The following ULK1 variants were observed in gnomAD, a reference collection of about 807,000 sequenced individuals.
ULK1 encodes the protein unc-51 like autophagy activating kinase 1, also known as serine/threonine-protein kinase ULK1.
A neutral mutation model predicts 117.5 loss-of-function variants in ULK1; 48 were observed. The observed-to-expected ratio is 0.41, with a 90% CI of 0.32 to 0.52. ULK1 has a LOEUF of 0.52. ULK1 is among the 20% of genes least tolerant of loss of function. The pLI is 0.29. For missense variants in ULK1, 1,387 were observed against 1,473.4 expected, an observed-to-expected ratio of 0.94 and a Z score of 0.96; for synonymous variants, 790 against 637.8, an observed-to-expected ratio of 1.24 and a Z score of -3.60.
At chr12:131,901,809 G>A (rs897494124) in intron 3 of ULK1, among the ~76,000 whole-genome samples, 9 of 152,002 alleles carry the variant, frequency 5.9e-5, no homozygotes, top group African/African-American at 9.7e-5. Flanking sequence ...TGGGGTGTGC[G>A]CCAACTAGGA....
intron 23 of ULK1, 53 bp downstream of exon 23, chr12:131,918,734 TG>T: frequency 7.2e-7 from 1 of 1,386,286 alleles, no homozygotes; most frequent in East Asian, 2.7e-5. Flanking sequence ...GTGTGTGGGG[TG>T]TGTGGGGTGT....
chr12:131,910,489 C>A (rs1236744650), intron 11 of ULK1, among the ~76,000 whole-genome samples, 185 bp downstream of exon 11: 1 of 152,172 alleles, frequency 6.6e-6, no homozygotes, highest in Non-Finnish European at 1.5e-5. Flanking sequence ...CAGGGGTTCG[C>A]ATGGTGCAGC....
chr12:131,912,115 G>A (rs1320665948), intron 13 of ULK1, 26 bp downstream of exon 13: 1 of 1,604,256 alleles, frequency 6.2e-7, no homozygotes, highest in South Asian at 1.1e-5. Context: ...GGGCTTGGAG[G>A]TGACGCCTCA....
Position 131,915,367 on chromosome 12 carries a change from G to A in ULK1, c.1555G>A (p.Gly519Arg), listed in dbSNP as rs367575696. The change falls in exon 18 of 28, where the codon GGG (glycine) becomes AGG (arginine). Residue 519 changes from glycine (G) to arginine (R), a missense_variant. Gly to Arg is a moderately radical substitution (Grantham distance 125). Around this residue, in one of 4 missense-constraint regions of ULK1, gnomAD observed 900 missense variants for 858.9 expected, o/e 1.05. Coordinates refer to ENST00000321867, the MANE Select transcript of ULK1 (RefSeq NM_003565.4). ...CATCCCTGAGCGGCCAGGCTGGAGC[G>A]GGACGCCCTCCCCACAGGGAGCTGA... The part of the protein sequence containing the change: ...GTIPERPGWS[G>R]TPSPQGAEMR... The A allele has an allele frequency of 6.4e-5, 104 of 1,612,812 alleles. No homozygotes were observed. The highest frequency in any genetic ancestry group is 8.0e-5 in the African/African-American group (6 of 75,072).
chr12:131,908,471 C>A, intron 5 of ULK1, 173 bp from the exon 6 acceptor site: 1 of 704,842 alleles, frequency 1.4e-6, no homozygotes, highest in Non-Finnish European at 2.1e-6. Context: ...TCAGGTGCGC[C>A]CTGGTCTCGG....
chr12:131,913,348 C>T (rs1355365411), intron 14 of ULK1, 90 bp downstream of exon 14: 34 of 1,290,066 alleles, frequency 2.6e-5, no homozygotes, highest in Non-Finnish European at 3.2e-5. Flanking sequence ...GCCGAGATCG[C>T]GCCACTGCAC....
In ULK1 at chr12:131,895,484, T is replaced by G. The variant is rs558753013; in HGVS notation, c.112-117T>G. 147 of 860,752 alleles carry G rather than the reference T, an allele frequency of 1.7e-4. 1 individual carries two copies. The African/African-American group carries it at 2.3e-3, about 13-fold the overall frequency. 53.3% of individuals were successfully genotyped at this position (860,752 alleles called of 1,614,324 possible). ...CCTCAACCTGGCTCCCCACTCGGCC[T>G]TCCAGTCCCGGGATTCCCAACCGGG... On this transcript the variant is annotated intron_variant, in intron 1 of 27. Coordinates refer to ENST00000321867, the MANE Select transcript of ULK1 (RefSeq NM_003565.4).
chr12:131,919,456 T>C lies in ULK1; in HGVS notation c.2685-16T>C. On this transcript the variant is annotated splice_polypyrimidine_tract_variant and intron_variant, in intron 24 of 27. Transcript: ENST00000321867. ...CAGGACCAACCGGCCTCCTCTGATC[T>C]GCCTGCCGCCCCCAGCTTCGCGGAA... is the stretch of plus-strand genomic sequence containing the variant. The C allele has an allele frequency of 6.2e-7, 1 of 1,607,014 alleles. No individual in the cohort carries two copies. The highest frequency in any genetic ancestry group is 1.1e-5 in the South Asian group (1 of 90,866).
rs1400571941 is a variant in ULK1 at position 131,922,984 on chromosome 12, G to A, written c.*1623G>A. ...TCTTGCTTCCGTCGCGGCCGCATGT[G>A]CGTGTGTCCAAGCAGGTCCTGGGCG... is the stretch of plus-strand genomic sequence containing the variant. On this transcript the variant is annotated 3_prime_UTR_variant, in exon 28 of 28. Transcript: ENST00000321867. 1 of 152,336 alleles carries A rather than the reference G, an allele frequency of 6.6e-6. No individual in the cohort carries two copies. Among genetic ancestry groups the A allele is most frequent in the Non-Finnish European group, 1.5e-5 (1 of 68,070 alleles). The allele number at this position is 152,336 out of a possible 1,614,324, so 9.4% of individuals were successfully genotyped here.
At chr12:131,909,687 G>T in intron 8 of ULK1, 88 bp from the exon 9 acceptor site, 1 of 1,364,246 alleles carries the variant, frequency 7.3e-7, no homozygotes, top group African/African-American at 1.5e-5. Context: ...CTGGGGCAGG[G>T]GCCGACTGGG....
In ULK1 at chr12:131,917,263, ACGGGGGTCGGG is replaced by A; in HGVS notation, c.2183-147_2183-137del. ...TCGGGTTCGGCTCGGAGGCTGTGGG[ACGGGGGTCGGG>A]TTCGGCTCGGAGGCTGTGGGACGGG... On this transcript the variant is annotated intron_variant, in intron 21 of 27. Coordinates refer to ENST00000321867, the MANE Select transcript of ULK1 (RefSeq NM_003565.4). 3.0e-6 allele frequency: 2 copies of A among 676,454 alleles called. 1 individual carries two copies. Among genetic ancestry groups the A allele is most frequent in the Non-Finnish European group, 3.9e-6 (2 of 517,800 alleles). 41.9% of individuals were successfully genotyped at this position (676,454 alleles called of 1,614,324 possible). A position where few individuals can be genotyped will look rare whatever the true frequency, so the allele number is the denominator to read the frequency against.
Position 131,922,792 on chromosome 12 carries a change from C to CTGTG in ULK1, c.*1432_*1435dup. On this transcript the variant is annotated 3_prime_UTR_variant, in exon 28 of 28. Coordinates refer to ENST00000321867, the MANE Select transcript of ULK1 (RefSeq NM_003565.4). The stretch of plus-strand genomic sequence containing the variant: ...CTTTGCAATACTTGAAATATTGCCA[C>CTGTG]TGTGCTTGGACTTAGAAGAAGAAAA... 1 of 152,554 alleles carries CTGTG rather than the reference C, an allele frequency of 6.6e-6. No individual in the cohort carries two copies. The highest frequency in any genetic ancestry group is 2.1e-4 in the South Asian group (1 of 4,836). 9.5% of individuals were successfully genotyped at this position (152,554 alleles called of 1,614,324 possible). A position where few individuals can be genotyped will look rare whatever the true frequency, so the allele number is the denominator to read the frequency against.
At chr12:131,912,387 C>T (rs1003525197) in intron 13 of ULK1, among the ~76,000 whole-genome samples, 9 of 152,358 alleles carry the variant, frequency 5.9e-5, no homozygotes, top group Admixed American at 4.6e-4. Flanking sequence ...GCCCCTCCCC[C>T]GCCATGTACC....
chr12:131,911,545 G>A (rs1182235306), intron 12 of ULK1, among the ~76,000 whole-genome samples: 1 of 152,220 alleles, frequency 6.6e-6, no homozygotes, highest in Admixed American at 6.5e-5. Flanking sequence ...AGGGCCCACC[G>A]GGGTGGCAGC....
intron 23 of ULK1, among the ~76,000 whole-genome samples, 157 bp downstream of exon 23, chr12:131,918,838 G>C (rs1415602360): frequency 3.2e-4 from 24 of 74,686 alleles, no homozygotes; most frequent in Non-Finnish European, 5.7e-4. Flanking sequence ...TGTGGGGTGT[G>C]GGGTGTCGGG....
At position 131,921,635 on chromosome 12, in the gene ULK1, G is replaced by A. The variant is rs1566132282; in HGVS notation, c.*274G>A. ...CAGCTGCCTGGCTCAGCAGGCGTGG[G>A]TGCCACCACCCTCTAGCCCCAGGGC... On this transcript the variant is annotated 3_prime_UTR_variant, in exon 28 of 28. Coordinates refer to ENST00000321867, the MANE Select transcript of ULK1 (RefSeq NM_003565.4). 1 of 613,882 alleles carries A rather than the reference G, an allele frequency of 1.6e-6. No individual in the cohort carries two copies. The highest frequency in any genetic ancestry group is 2.9e-6 in the Non-Finnish European group (1 of 346,780). The allele number at this position is 613,882 out of a possible 1,614,324, so 38.0% of individuals were successfully genotyped here.
chr12:131,921,717 C>T lies in ULK1; in HGVS notation c.*356C>T. The stretch of plus-strand genomic sequence containing the variant: ...ACTGCCGACTCAAAGCCAAAGCGAG[C>T]TCCTGCTTAGGGAAGGTCAGCAGGC... On this transcript the variant is annotated 3_prime_UTR_variant, in exon 28 of 28. Transcript: ENST00000321867. 1.7e-6 allele frequency: 1 copy of T among 597,384 alleles called. No homozygotes were observed. Among genetic ancestry groups the T allele is most frequent in the South Asian group, 1.6e-5 (1 of 62,926 alleles). 37.0% of individuals were successfully genotyped at this position (597,384 alleles called of 1,614,324 possible).
rs1327636289 is a variant in ULK1 at position 131,922,748 on chromosome 12, TACAC to T, written c.*1392_*1395del. The T allele has an allele frequency of 4.6e-5, 7 of 152,472 alleles. No individual in the cohort carries two copies. Among genetic ancestry groups the T allele is most frequent in the African/African-American group, 1.2e-4 (5 of 41,456 alleles). The allele number at this position is 152,472 out of a possible 1,614,324, so 9.4% of individuals were successfully genotyped here. On this transcript the variant is annotated 3_prime_UTR_variant, in exon 28 of 28. Coordinates refer to ENST00000321867, the MANE Select transcript of ULK1 (RefSeq NM_003565.4). Reference sequence around the variant, plus strand: ...TCACACGCCACATAACAGACAAAAATACACACACGTGTGTTTTTCTTTGCAATAC... The same window carrying T: ...TCACACGCCACATAACAGACAAAAATACACGTGTGTTTTTCTTTGCAATAC...
At chr12:131,899,799 C>G (rs572441702) in intron 3 of ULK1, among the ~76,000 whole-genome samples, 6 of 152,300 alleles carry the variant, frequency 3.9e-5, no homozygotes, top group Admixed American at 1.3e-4. Flanking sequence ...GGCAGGTAGC[C>G]TCCTGGCACC....
Sources: allele counts gnomAD v4.1 joint callset (sites outside exome capture counted in the v4.1 genomes callset), GRCh38; gene constraint gnomAD v4.1.1; regional missense constraint gnomAD v4.1.1; transcripts MANE v1.5; gene names NCBI Gene and HGNC (gene_info 2026-07-23, HGNC 2026-07-21).